Variants in GALNTL6 observed in about 807,000 individuals in gnomAD.
GALNTL6 encodes polypeptide N-acetylgalactosaminyltransferase like 6, also known as polypeptide N-acetylgalactosaminyltransferase-like 6.
In GALNTL6, 46 loss-of-function variants were observed where a neutral mutation model predicts 73.7. That is an observed-to-expected ratio of 0.62 (90% confidence interval 0.49 to 0.80). The LOEUF is 0.80. Among genes scored for constraint, GALNTL6 ranks in the 30% least tolerant of loss-of-function variants. GALNTL6 has a pLI of 0.00. For missense variants in GALNTL6, 604 were observed against 755.0 expected, an observed-to-expected ratio of 0.80 and a Z score of 2.34; for synonymous variants, 259 against 263.7, an observed-to-expected ratio of 0.98 and a Z score of 0.17.
At chr4:172,058,089 C>A (rs1731081972) in intron 2 of GALNTL6, among the ~76,000 whole-genome samples, 2 of 135,798 alleles carry the variant, frequency 1.5e-5, no homozygotes, top group African/African-American at 5.5e-5. Flanking sequence ...TCACTCTGTA[C>A]AATCTGTCAC....
chr4:172,381,425 A>G (rs1743280924), intron 5 of GALNTL6, among the ~76,000 whole-genome samples: 2 of 152,200 alleles, frequency 1.3e-5, no homozygotes, highest in South Asian at 4.2e-4. Context: ...AGTCACTCCC[A>G]TTCCTCCCTA....
At chr4:172,872,829 C>A (rs1745012834) in intron 7 of GALNTL6, among the ~76,000 whole-genome samples, 1 of 152,200 alleles carries the variant, frequency 6.6e-6, no homozygotes, top group Non-Finnish European at 1.5e-5. Flanking sequence ...TCCCACCCCA[C>A]CTCTCCCGTC....
chr4:172,308,028 T>TTTTTTTTTTTTC, intron 3 of GALNTL6, among the ~76,000 whole-genome samples: 2 of 138,074 alleles, frequency 1.4e-5, no homozygotes, highest in Non-Finnish European at 1.5e-5. Flanking sequence ...TTTTTTTTTT[T>TTTTTTTTTTTTC]TTTTTACGGC....
intron 5 of GALNTL6, chr4:172,380,580 A>G (rs1293186255): frequency 4.3e-6 from 1 of 234,118 alleles, no homozygotes; most frequent in East Asian, 9.8e-5. Context: ...TAGTAGGGAA[A>G]GAAAGAACGA....
chr4:172,039,945 T>A (rs1052254506), intron 2 of GALNTL6, among the ~76,000 whole-genome samples: 8 of 151,862 alleles, frequency 5.3e-5, no homozygotes, highest in Non-Finnish European at 7.4e-5. Context: ...AAAAAAAAAA[T>A]TTACTTTGCA....
chr4:171,941,019 G>A (rs1026741455), intron 2 of GALNTL6, among the ~76,000 whole-genome samples: 1 of 151,844 alleles, frequency 6.6e-6, no homozygotes, highest in African/African-American at 2.4e-5. Context: ...TTAAAAGTCA[G>A]GAGTCAATAC....
intron 5 of GALNTL6, among the ~76,000 whole-genome samples, chr4:172,515,762 C>T (rs1734584362): frequency 6.6e-6 from 1 of 152,172 alleles, no homozygotes; most frequent in Non-Finnish European, 1.5e-5. Flanking sequence ...CAGAGAGACA[C>T]TCAGCAAGGA....
chr4:172,009,478 A>G (rs776820015), intron 2 of GALNTL6, among the ~76,000 whole-genome samples: 12 of 152,064 alleles, frequency 7.9e-5, no homozygotes, highest in Non-Finnish European at 1.6e-4. Context: ...GGACACTTTG[A>G]CATATATGAC....
chr4:172,521,436 C>G (rs1346594138), intron 5 of GALNTL6, among the ~76,000 whole-genome samples: 1 of 152,176 alleles, frequency 6.6e-6, no homozygotes, highest in Admixed American at 6.5e-5. Flanking sequence ...AAATCCAGAA[C>G]TATGATCTAA....
At chr4:173,000,250 A>G (rs927235446) in intron 10 of GALNTL6, among the ~76,000 whole-genome samples, 1 of 152,208 alleles carries the variant, frequency 6.6e-6, no homozygotes. Flanking sequence ...CAGCCCTACT[A>G]AATGGTGAAA....
At chr4:172,367,006 G>A (rs73868982) in intron 5 of GALNTL6, among the ~76,000 whole-genome samples, 2,321 of 152,308 alleles carry the variant, frequency 0.015, 61 homozygotes, top group African/African-American at 0.052. Flanking sequence ...GATTTAAGTT[G>A]TAAAATTAAT....
intron 5 of GALNTL6, among the ~76,000 whole-genome samples, chr4:172,439,373 T>TA (rs1731748193): frequency 6.6e-6 from 1 of 152,032 alleles, no homozygotes; most frequent in Non-Finnish European, 1.5e-5. Flanking sequence ...CAGCATTTGA[T>TA]ACAGATTAGT....
intron 5 of GALNTL6, among the ~76,000 whole-genome samples, chr4:172,483,607 C>T (rs1352154281): frequency 6.6e-6 from 1 of 151,962 alleles, no homozygotes; most frequent in Admixed American, 6.5e-5. Context: ...AAGTGAAAAA[C>T]AATAGAAAAT....
At chr4:172,007,119 G>A (rs1001816998) in intron 2 of GALNTL6, among the ~76,000 whole-genome samples, 1 of 151,810 alleles carries the variant, frequency 6.6e-6, no homozygotes, top group Non-Finnish European at 1.5e-5. Context: ...CTTAAATACA[G>A]TCACATTTTG....
rs186873791 is a variant in GALNTL6, at chr4:172,696,121, T to A, written c.554-113240T>A. On this transcript the variant is annotated intron_variant, in intron 5 of 12. Coordinates refer to ENST00000506823, the MANE Select transcript of GALNTL6 (RefSeq NM_001034845.3). ...GATTCAATCAACACTAAGAAAACTC[T>A]TTGAGAAATTTTCCTAGTTGTAGCT... Among the ~76,000 whole-genome samples the A allele has an allele frequency of 5.3e-5, 8 of 152,318 alleles. No individual in the cohort carries two copies. In the East Asian group the frequency reaches 1.5e-3, roughly 29 times the overall value.
At chr4:172,154,868 C>G (rs1353129109) in intron 2 of GALNTL6, among the ~76,000 whole-genome samples, 1 of 152,200 alleles carries the variant, frequency 6.6e-6, no homozygotes, top group Non-Finnish European at 1.5e-5. Context: ...ATTCTGAGTG[C>G]ATGGCTGTAG....
intron 3 of GALNTL6, among the ~76,000 whole-genome samples, chr4:172,235,500 C>T (rs1737212745): frequency 6.6e-6 from 1 of 152,060 alleles, no homozygotes; most frequent in Non-Finnish European, 1.5e-5. Flanking sequence ...AGCCATTGTG[C>T]CAGGACAAAA....
chr4:171,846,591 C>T (rs1430826041), intron 2 of GALNTL6, among the ~76,000 whole-genome samples: 1 of 151,586 alleles, frequency 6.6e-6, no homozygotes, highest in Non-Finnish European at 1.5e-5. Context: ...ACTCTTGTGA[C>T]ATAAAGAAAA....
intron 3 of GALNTL6, among the ~76,000 whole-genome samples, chr4:172,263,669 CTA>C (rs1738333521): frequency 6.6e-6 from 1 of 151,386 alleles, no homozygotes; most frequent in African/African-American, 2.4e-5. Context: ...TGATTTATAT[CTA>C]TATATAGTCT....
Sources: gnomAD v4.1 joint callset for allele counts (sites outside exome capture counted in the v4.1 genomes callset) on GRCh38, gnomAD v4.1.1 for gene constraint, MANE v1.5 for transcripts, NCBI Gene and HGNC (gene_info 2026-07-23, HGNC 2026-07-21) for gene names.